Variants in NRG4 observed in about 807,000 individuals in gnomAD.
The protein encoded by NRG4 is neuregulin 4.
Under a neutral mutation model 15.0 loss-of-function variants are expected in NRG4, and 10 were observed. That is an observed-to-expected ratio of 0.67 (90% CI 0.41 to 1.13). The LOEUF is 1.13. Among genes scored for constraint, NRG4 ranks in the 50% most tolerant of loss-of-function variants. The pLI, the probability that NRG4 is intolerant of heterozygous loss-of-function variation, is 0.00. For missense variants in NRG4, 139 were observed against 140.2 expected (o/e 0.99, Z 0.04); for synonymous variants, 41 against 50.1 (o/e 0.82, Z 0.77).
chr15:75,952,776 G>T (rs2031988921), intron 5 of NRG4, among the ~76,000 whole-genome samples: 1 of 151,922 alleles, frequency 6.6e-6, no homozygotes, highest in African/African-American at 2.4e-5. Context: ...GTCTTTTCAT[G>T]AGATTACTAG....
intron 3 of NRG4, among the ~76,000 whole-genome samples, chr15:75,996,131 A>G (rs1346270228): frequency 6.6e-6 from 1 of 152,216 alleles, no homozygotes; most frequent in Non-Finnish European, 1.5e-5. Flanking sequence ...ATCATCATAC[A>G]TTAACAAATT....
intron 3 of NRG4, among the ~76,000 whole-genome samples, chr15:75,991,929 CCATTT>C (rs1053272182): frequency 2.6e-5 from 4 of 152,030 alleles, no homozygotes; most frequent in African/African-American, 9.7e-5. Flanking sequence ...TCTCTTTCTT[CCATTT>C]ATTTTCTGAA....
chr15:75,958,234 G>T (rs1241661804), intron 4 of NRG4, among the ~76,000 whole-genome samples: 1 of 152,004 alleles, frequency 6.6e-6, no homozygotes, highest in Admixed American at 6.6e-5. Flanking sequence ...GGATGGTCTC[G>T]ATCTCCTGAC....
At chr15:75,959,510 A>C (rs1029888044) in intron 4 of NRG4, among the ~76,000 whole-genome samples, 11 of 151,996 alleles carry the variant, frequency 7.2e-5, no homozygotes, top group African/African-American at 2.4e-4. Context: ...TTCATATAAA[A>C]TAGGAAACAG....
chr15:75,964,715 CAGG>C (rs1207251120), intron 3 of NRG4, among the ~76,000 whole-genome samples: 1 of 151,776 alleles, frequency 6.6e-6, no homozygotes, highest in East Asian at 1.9e-4. Context: ...GGCTTGAGCC[CAGG>C]AGTTTGAGAC....
intron 3 of NRG4, among the ~76,000 whole-genome samples, chr15:75,992,094 T>C (rs1370247296): frequency 6.6e-6 from 1 of 152,210 alleles, no homozygotes; most frequent in East Asian, 1.9e-4. Flanking sequence ...GTTACTATTA[T>C]ATCACTTCAC....
Position 76,045,307 on chromosome 15 carries a change from A to G in NRG4, c.-105+6760T>C, listed in dbSNP as rs186588676. ...GACATTAATAAATGCTGGAGGAGAT[A>G]TGGAGAAAGGGAAACACTCACATAC... On this transcript the variant is annotated intron_variant, in intron 4 of 8. Coordinates refer to the NRG4 transcript ENST00000563910. Among the ~76,000 whole-genome samples, 248 of 151,282 alleles carry G rather than the reference A, an allele frequency of 1.6e-3. 5 individuals are homozygous for G. The highest frequency in any genetic ancestry group is 4.9e-3 in the Admixed American group (75 of 15,262).
intron 5 of NRG4, among the ~76,000 whole-genome samples, chr15:76,035,755 T>C (rs1381959489): frequency 1.3e-5 from 2 of 152,206 alleles, no homozygotes; most frequent in Non-Finnish European, 2.9e-5. Flanking sequence ...AAAATACCCA[T>C]GTTTGTTAAC....
chr15:76,041,611 G>A (rs112668832), intron 4 of NRG4, among the ~76,000 whole-genome samples: 134 of 152,158 alleles, frequency 8.8e-4, no homozygotes, highest in African/African-American at 3.2e-3. Flanking sequence ...ATAATGAAGG[G>A]TTCAATTCAG....
intron 3 of NRG4, among the ~76,000 whole-genome samples, chr15:76,004,897 C>G (rs796626127): frequency 2.8e-4 from 42 of 152,112 alleles, no homozygotes; most frequent in African/African-American, 9.2e-4. Flanking sequence ...GGCACCAACC[C>G]CCATGCAGTC....
At chr15:75,995,767 A>T (rs28702379) in intron 3 of NRG4, among the ~76,000 whole-genome samples, 7 of 152,242 alleles carry the variant, frequency 4.6e-5, no homozygotes, top group African/African-American at 1.7e-4. Context: ...ATGCATTAAC[A>T]TATCTAAAGA....
intron 2 of NRG4, among the ~76,000 whole-genome samples, chr15:76,010,612 C>A (rs1314036962): frequency 6.6e-6 from 1 of 152,022 alleles, no homozygotes; most frequent in Admixed American, 6.6e-5. Context: ...AAAGTAAAAT[C>A]AACCAAAATG....
chr15:75,958,643 A>C (rs1402354902), intron 4 of NRG4, among the ~76,000 whole-genome samples: 1 of 152,184 alleles, frequency 6.6e-6, no homozygotes, highest in Non-Finnish European at 1.5e-5. Context: ...GGAGACCCAC[A>C]TAATGTTTGT....
chr15:75,983,003 C>G (rs1182766946), intron 3 of NRG4, among the ~76,000 whole-genome samples: 1 of 152,154 alleles, frequency 6.6e-6, no homozygotes, highest in African/African-American at 2.4e-5. Flanking sequence ...CAAAGGAAAC[C>G]ATGCTTATCA....
chr15:76,023,990 C>A (rs912987167), intron 5 of NRG4, among the ~76,000 whole-genome samples: 1 of 152,204 alleles, frequency 6.6e-6, no homozygotes, highest in Non-Finnish European at 1.5e-5. Context: ...AGAGCAGCTA[C>A]AAGCCTAGGA....
At chr15:76,026,660 T>C (rs2035323239) in intron 5 of NRG4, among the ~76,000 whole-genome samples, 1 of 152,108 alleles carries the variant, frequency 6.6e-6, no homozygotes, top group Non-Finnish European at 1.5e-5. Context: ...ACCATTTCAT[T>C]ACAGAAAACC....
chr15:76,050,557 A>G (rs1392058327), intron 4 of NRG4, among the ~76,000 whole-genome samples: 2 of 144,948 alleles, frequency 1.4e-5, no homozygotes, highest in African/African-American at 5.3e-5. Context: ...CAGCCTCCCA[A>G]GTAGCTGGGA....
At chr15:76,003,214 TAACAG>T (rs750498890) in intron 3 of NRG4, among the ~76,000 whole-genome samples, 1 of 152,096 alleles carries the variant, frequency 6.6e-6, no homozygotes, top group Non-Finnish European at 1.5e-5. Flanking sequence ...TTCATAGAAT[TAACAG>T]ATCAAAGAAA....
At chr15:76,033,392 T>A (rs1229417082) in intron 5 of NRG4, among the ~76,000 whole-genome samples, 2 of 152,192 alleles carry the variant, frequency 1.3e-5, no homozygotes, top group Non-Finnish European at 2.9e-5. Flanking sequence ...CACATCTGTA[T>A]TTCAAAAAAT....
Sources: allele counts gnomAD v4.1 joint callset (sites outside exome capture counted in the v4.1 genomes callset), GRCh38; gene constraint gnomAD v4.1.1; transcripts MANE v1.5; gene names NCBI Gene and HGNC (gene_info 2026-07-23, HGNC 2026-07-21).